CALN1: variants seen among roughly 807,000 people sequenced by gnomAD.
CALN1 encodes the protein calcium-binding protein 8.
CALN1 carries 17 observed loss-of-function variants against 30.6 expected under a neutral mutation model. The ratio of observed to expected loss-of-function variants is 0.56; its 90% CI spans 0.38 to 0.83. The LOEUF (loss-of-function observed/expected upper bound fraction) is 0.83. Among genes scored for constraint, CALN1 ranks in the 40% least tolerant of loss-of-function variants. CALN1 has a pLI of 0.00. For synonymous variants in CALN1, 156 were observed against 131.4 expected (o/e 1.19, Z -1.28); for missense variants, 291 against 354.9 (o/e 0.82, Z 1.45).
intron 2 of CALN1, among the ~76,000 whole-genome samples, chr7:72,287,491 G>A (rs1344074053): frequency 2.3e-5 from 3 of 132,968 alleles, no homozygotes; most frequent in Non-Finnish European, 3.1e-5. Context: ...CTGTCACCCA[G>A]GCTGGAGTGC....
chr7:72,391,489 G>A (rs1341413988), intron 2 of CALN1, among the ~76,000 whole-genome samples: 1 of 152,074 alleles, frequency 6.6e-6, no homozygotes, highest in Non-Finnish European at 1.5e-5. Context: ...AAGAAGAAGT[G>A]TGGTAGTTTT....
At chr7:71,998,983 G>T (rs993579834) in intron 5 of CALN1, among the ~76,000 whole-genome samples, 1 of 152,090 alleles carries the variant, frequency 6.6e-6, no homozygotes, top group African/African-American at 2.4e-5. Context: ...TAATAAAATG[G>T]TAGACTTACA....
At chr7:71,796,521 G>A (rs1041793790) in intron 6 of CALN1, among the ~76,000 whole-genome samples, 7 of 151,790 alleles carry the variant, frequency 4.6e-5, no homozygotes, top group East Asian at 1.9e-4. Flanking sequence ...CACCACGCCC[G>A]GCTAATTTTT....
At chr7:72,205,551 A>ATATATATACAT (rs1554319582) in intron 3 of CALN1, among the ~76,000 whole-genome samples, 13 of 83,050 alleles carry the variant, frequency 1.6e-4, no homozygotes, top group East Asian at 8.7e-4. Context: ...GCAAAAAAAA[A>ATATATATACAT]ATATATATAT....
chr7:72,487,854 G>GAGAA, the CALN1 span, among the ~76,000 whole-genome samples: 3,653 of 69,224 alleles, frequency 0.053, 181 homozygotes, highest in Admixed American at 0.093. Flanking sequence ...GAAAAAGAAA[G>GAGAA]AGAAAGAAAG....
chr7:72,341,667 G>A (rs79475206), intron 2 of CALN1, among the ~76,000 whole-genome samples: 1,934 of 152,236 alleles, frequency 0.013, 45 homozygotes, highest in African/African-American at 0.044. Context: ...CTCCCTTCCT[G>A]CCTGCGTAAA....
intron 2 of CALN1, among the ~76,000 whole-genome samples, chr7:72,382,078 G>A (rs549402811): frequency 1.3e-5 from 2 of 152,272 alleles, no homozygotes; most frequent in South Asian, 4.1e-4. Flanking sequence ...TAAAATCACT[G>A]CAATGTACAA....
chr7:72,398,407 G>A (rs1253974799), intron 2 of CALN1, among the ~76,000 whole-genome samples: 3 of 152,138 alleles, frequency 2.0e-5, no homozygotes, highest in Non-Finnish European at 4.4e-5. Flanking sequence ...TTGTCTACAC[G>A]TTTTCATTTC....
intron 2 of CALN1, among the ~76,000 whole-genome samples, chr7:72,357,518 T>C (rs1803306421): frequency 6.6e-6 from 1 of 151,800 alleles, no homozygotes; most frequent in Admixed American, 6.6e-5. Context: ...CCATCCCTAA[T>C]CAAATCTCAG....
At chr7:72,175,167 A>G (rs565910592) in intron 3 of CALN1, among the ~76,000 whole-genome samples, 133 of 151,432 alleles carry the variant, frequency 8.8e-4, no homozygotes, top group Middle Eastern at 6.8e-3. Context: ...TCCGCCTCCC[A>G]GGTTCACGCC....
At chr7:72,336,003 G>A (rs917264035) in intron 2 of CALN1, among the ~76,000 whole-genome samples, 1 of 152,194 alleles carries the variant, frequency 6.6e-6, no homozygotes, top group African/African-American at 2.4e-5. Context: ...CGGGGAAGAC[G>A]GATCCCACCC....
At chr7:72,350,215 A>G (rs187116860) in intron 2 of CALN1, among the ~76,000 whole-genome samples, 73 of 152,318 alleles carry the variant, frequency 4.8e-4, no homozygotes, top group African/African-American at 1.6e-3. Flanking sequence ...CAACTGTGGA[A>G]AGCAGTTTGG....
At chr7:72,295,983 T>C (rs1322316165) in intron 2 of CALN1, among the ~76,000 whole-genome samples, 2 of 151,960 alleles carry the variant, frequency 1.3e-5, no homozygotes, top group African/African-American at 4.8e-5. Flanking sequence ...CCATTCAGTA[T>C]GATATTGGCT....
chr7:72,160,671 A>G (rs771310342), intron 3 of CALN1, among the ~76,000 whole-genome samples: 3 of 152,186 alleles, frequency 2.0e-5, no homozygotes, highest in Non-Finnish European at 4.4e-5. Context: ...CAACCCTGAT[A>G]AATAACAGTG....
At chr7:72,152,831 T>C (rs755225751) in intron 3 of CALN1, among the ~76,000 whole-genome samples, 12 of 152,196 alleles carry the variant, frequency 7.9e-5, no homozygotes, top group Admixed American at 4.6e-4. Flanking sequence ...ATTCAGGTCT[T>C]TCCAAGCTGG....
intron 3 of CALN1, among the ~76,000 whole-genome samples, chr7:72,258,754 C>T (rs1409803261): frequency 6.6e-6 from 1 of 151,886 alleles, no homozygotes; most frequent in African/African-American, 2.4e-5. Context: ...CCTGTCTCTA[C>T]TAAAAATACA....
At position 72,230,342 on chromosome 7, in the gene CALN1, T is replaced by TAAAA. The variant is rs3032182; in HGVS notation, c.244+48340_244+48343dup. On this transcript the variant is annotated intron_variant, in intron 3 of 6. Coordinates refer to ENST00000395275, the MANE Select transcript of CALN1 (RefSeq NM_031468.4). ...GAAACTCTGTCTCTACAATAGATACTAAAAAAAAAAAAAAATTAGCTGGGT... is the reference window on the plus strand; with the variant it reads ...GAAACTCTGTCTCTACAATAGATACTAAAAAAAAAAAAAAAAAAATTAGCTGGGT... Among the ~76,000 whole-genome samples, 19 of 124,848 alleles carry TAAAA rather than the reference T, an allele frequency of 1.5e-4. 2 individuals carry two copies. The highest frequency in any genetic ancestry group is 4.0e-4 in the African/African-American group (13 of 32,878). The allele number at this position is 124,848 out of a possible 152,430, so 81.9% of individuals were successfully genotyped here.
At chr7:72,050,277 G>C (rs1468309123) in intron 4 of CALN1, among the ~76,000 whole-genome samples, 3 of 152,016 alleles carry the variant, frequency 2.0e-5, no homozygotes, top group Non-Finnish European at 4.4e-5. Flanking sequence ...ATGCCATGTT[G>C]TCTTTCAAGA....
intron 2 of CALN1, among the ~76,000 whole-genome samples, chr7:72,399,097 A>G (rs2129561887): frequency 6.6e-6 from 1 of 152,160 alleles, no homozygotes; most frequent in African/African-American, 2.4e-5. Flanking sequence ...CCTCCTCCAG[A>G]TGCATTGAGA....
Sources: gnomAD v4.1 joint callset for allele counts (sites outside exome capture counted in the v4.1 genomes callset) on GRCh38, gnomAD v4.1.1 for gene constraint, MANE v1.5 for transcripts, NCBI Gene and HGNC (gene_info 2026-07-23, HGNC 2026-07-21) for gene names.